DDAH1: variants seen among roughly 807,000 people sequenced by gnomAD.
The protein encoded by DDAH1 is dimethylarginine dimethylaminohydrolase 1.
In DDAH1, 19 loss-of-function variants were observed where a neutral mutation model predicts 28.8. The observed-to-expected ratio is 0.66, with a 90% CI of 0.46 to 0.97. The LOEUF is 0.97. DDAH1 is among the 50% of genes least tolerant of loss of function. DDAH1 has a pLI of 0.00. For missense variants in DDAH1, 326 were observed against 375.9 expected, an observed-to-expected ratio of 0.87 and a Z score of 1.10; for synonymous variants, 153 against 154.4, an observed-to-expected ratio of 0.99 and a Z score of 0.07.
At chr1:85,551,516 T>G (rs1159234646) in intron 1 of DDAH1, among the ~76,000 whole-genome samples, 1 of 152,226 alleles carries the variant, frequency 6.6e-6, no homozygotes, top group Non-Finnish European at 1.5e-5. Flanking sequence ...CAGACCAATA[T>G]GAGTTAAGTG....
intron 4 of DDAH1, among the ~76,000 whole-genome samples, chr1:85,332,608 C>G (rs1443364138): frequency 1.3e-5 from 2 of 151,796 alleles, no homozygotes; most frequent in African/African-American, 4.8e-5. Flanking sequence ...TGGCACCACC[C>G]CTGTCCTCCA....
intron 1 of DDAH1, among the ~76,000 whole-genome samples, chr1:85,432,891 C>G (rs1653758333): frequency 6.6e-6 from 1 of 152,180 alleles, no homozygotes; most frequent in South Asian, 2.1e-4. Context: ...CCTGGACTAA[C>G]TCCCACAAAA....
intron 4 of DDAH1, among the ~76,000 whole-genome samples, chr1:85,340,707 AC>A (rs1429789669): frequency 6.6e-6 from 1 of 152,118 alleles, no homozygotes; most frequent in African/African-American, 2.4e-5. Flanking sequence ...CATTATGGGA[AC>A]CGTGCCAGAC....
chr1:85,358,263 A>C (rs1212469536), intron 2 of DDAH1, among the ~76,000 whole-genome samples: 4 of 152,248 alleles, frequency 2.6e-5, no homozygotes, highest in African/African-American at 9.6e-5. Context: ...TAAAGTGATT[A>C]TATTTGAATA....
At chr1:85,395,724 C>T (rs1010525923) in intron 1 of DDAH1, among the ~76,000 whole-genome samples, 7 of 151,330 alleles carry the variant, frequency 4.6e-5, no homozygotes, top group South Asian at 2.1e-4. Context: ...GCAAGCTGCA[C>T]GAGGTCTTTG....
intron 1 of DDAH1, among the ~76,000 whole-genome samples, chr1:85,407,103 G>A (rs1652442992): frequency 6.6e-6 from 1 of 152,062 alleles, no homozygotes; most frequent in African/African-American, 2.4e-5. Flanking sequence ...GAAGAGTTAT[G>A]AGCAGGAAGT....
chr1:85,503,081 A>T (rs1570616107), intron 1 of DDAH1, among the ~76,000 whole-genome samples: 1 of 140,588 alleles, frequency 7.1e-6, no homozygotes, highest in East Asian at 2.2e-4. Flanking sequence ...TTGTCAAGAA[A>T]TAAGTTAAAA....
intron 4 of DDAH1, among the ~76,000 whole-genome samples, chr1:85,341,585 G>A (rs1340214140): frequency 6.6e-6 from 1 of 152,218 alleles, no homozygotes; most frequent in Non-Finnish European, 1.5e-5. Context: ...GGAGGCCGAG[G>A]CGGTGGATCA....
rs1390449835 is a variant in DDAH1 at position 85,464,700 on chromosome 1, G to T, written c.303+43C>A. 1.5e-5 allele frequency: 21 copies of T among 1,435,464 alleles called. No individual in the cohort carries two copies. The highest frequency in any genetic ancestry group is 1.9e-5 in the Non-Finnish European group (21 of 1,100,760). 88.9% of individuals were successfully genotyped at this position (1,435,464 alleles called of 1,614,324 possible). A position where few individuals can be genotyped will look rare whatever the true frequency, so the allele number is the denominator to read the frequency against. ...ACACGGCGGCCGGCGGCGGGGGAGG[G>T]CCTGGCGCGCGCCCCGGCCGCGCCC... On this transcript the variant is annotated intron_variant, in intron 1 of 5. Coordinates refer to ENST00000284031, the MANE Select transcript of DDAH1 (RefSeq NM_012137.4). This position sits in a 1 kb window ranked among gnomAD's most constrained non-coding sequence, Gnocchi z 4.4.
chr1:85,377,626 C>T (rs61473029), intron 1 of DDAH1, among the ~76,000 whole-genome samples: 5,858 of 152,132 alleles, frequency 0.039, 392 homozygotes, highest in African/African-American at 0.13. Flanking sequence ...ATGTAAAAAT[C>T]AAAGTGATTT....
At chr1:85,466,399 C>T (rs1655379762), upstream of DDAH1, among the ~76,000 whole-genome samples, 1 of 152,084 alleles carries the variant, frequency 6.6e-6, no homozygotes, top group African/African-American at 2.4e-5. Flanking sequence ...TACAGGTGCA[C>T]GCCACCACTC....
At position 85,464,163 on chromosome 1, in the gene DDAH1, C is replaced by T. The variant is rs1458842542; in HGVS notation, c.303+580G>A. 1.3e-5 allele frequency among the ~76,000 whole-genome samples: 2 copies of T among 152,326 alleles called. No homozygotes were observed. The highest frequency in any genetic ancestry group is 3.4e-3 in the Middle Eastern group (1 of 294). On this transcript the variant is annotated intron_variant, in intron 1 of 5. Coordinates refer to ENST00000284031, the MANE Select transcript of DDAH1 (RefSeq NM_012137.4). The surrounding 1 kb of genome is among the most constrained non-coding windows in gnomAD (Gnocchi z 4.4). ...TTTAGCACAGCTCACCAACAAAACA[C>T]TTTTCCTTCCATTCATTCACTTACT...
intron 1 of DDAH1, among the ~76,000 whole-genome samples, chr1:85,458,744 T>G (rs918636645): frequency 1.3e-5 from 2 of 152,164 alleles, no homozygotes; most frequent in East Asian, 1.9e-4. Flanking sequence ...GGGGAATATT[T>G]TGATGGAAGT....
At chr1:85,367,649 A>C (rs1336329435) in intron 1 of DDAH1, among the ~76,000 whole-genome samples, 1 of 152,170 alleles carries the variant, frequency 6.6e-6, no homozygotes, top group Non-Finnish European at 1.5e-5. Context: ...CTCTTATGCC[A>C]GGGTCTGGTG....
upstream of DDAH1, among the ~76,000 whole-genome samples, chr1:85,468,323 A>G (rs948454446): frequency 1.3e-5 from 2 of 152,178 alleles, no homozygotes; most frequent in Non-Finnish European, 2.9e-5. Flanking sequence ...CAAGTTTTCC[A>G]TGCTCACTGT....
intron 1 of DDAH1, among the ~76,000 whole-genome samples, chr1:85,400,118 G>A (rs1406547006): frequency 6.6e-6 from 1 of 151,844 alleles, no homozygotes; most frequent in Non-Finnish European, 1.5e-5. Context: ...AAAACAATCA[G>A]GGAGGAATGC....
chr1:85,350,847 A>G (rs1011112284), intron 3 of DDAH1, among the ~76,000 whole-genome samples: 11 of 152,216 alleles, frequency 7.2e-5, no homozygotes, highest in Non-Finnish European at 1.2e-4. Context: ...TCACATCCTC[A>G]TGGGGAACGG....
At chr1:85,328,214 G>C (rs1177634801) in intron 4 of DDAH1, among the ~76,000 whole-genome samples, 5 of 152,222 alleles carry the variant, frequency 3.3e-5, no homozygotes, top group Non-Finnish European at 7.3e-5. Context: ...TAAGACAACA[G>C]GGGGTTGGAT....
At chr1:85,531,729 C>T (rs1170090839) in intron 1 of DDAH1, among the ~76,000 whole-genome samples, 2 of 146,936 alleles carry the variant, frequency 1.4e-5, no homozygotes, top group African/African-American at 2.5e-5. Context: ...TTAATAAAGG[C>T]CGATACGTGT....
Sources: gnomAD v4.1 joint callset for allele counts (sites outside exome capture counted in the v4.1 genomes callset) on GRCh38, gnomAD v4.1.1 for gene constraint, Gnocchi (gnomAD v3.1) non-coding constraint, MANE v1.5 for transcripts, NCBI Gene and HGNC (gene_info 2026-07-23, HGNC 2026-07-21) for gene names.